The following ATG16L2 variants were observed in gnomAD, a reference collection of about 807,000 sequenced individuals.
The protein encoded by ATG16L2 is autophagy related 16 like 2.
Under a neutral mutation model 84.7 loss-of-function variants are expected in ATG16L2, and 77 were observed. The observed-to-expected ratio is 0.91, with a 90% CI of 0.76 to 1.10. ATG16L2 has a LOEUF of 1.10. Among genes scored for constraint, ATG16L2 ranks in the 50% least tolerant of loss-of-function variants. The pLI, the probability that ATG16L2 is intolerant of heterozygous loss-of-function variation, is 0.00. For synonymous variants in ATG16L2, 361 were observed against 342.8 expected, an observed-to-expected ratio of 1.05 and a Z score of -0.59; for missense variants, 782 against 817.6, an observed-to-expected ratio of 0.96 and a Z score of 0.53.
chr11:72,826,420 G>A, intron 11 of ATG16L2, 98 bp from the exon 12 acceptor site: 1 of 1,523,678 alleles, frequency 6.6e-7, no homozygotes, highest in East Asian at 2.3e-5. Flanking sequence ...GGTGACCTGG[G>A]CCGTGGGAAA....
intron 9 of ATG16L2, 49 bp from the exon 10 acceptor site, chr11:72,825,253 G>C (rs1565268214): frequency 2.0e-6 from 3 of 1,481,994 alleles, no homozygotes; most frequent in Admixed American, 3.4e-5. Flanking sequence ...AGCACTCACA[G>C]AGACATGCGC....
chr11:72,828,594 T>C, intron 15 of ATG16L2, 86 bp downstream of exon 15: 1 of 1,595,522 alleles, frequency 6.3e-7, no homozygotes, highest in Non-Finnish European at 8.6e-7. Context: ...CTTGGAGCCC[T>C]CCCTGGAGGC....
At chr11:72,842,867 T>C in exon 6 of ATG16L2, 2 of 1,585,042 alleles carry the variant, frequency 1.3e-6, no homozygotes, top group Non-Finnish European at 1.7e-6. Flanking sequence ...AAAACAAATC[T>C]GGTAAGATAA....
exon 6 of ATG16L2, chr11:72,843,153 C>T (rs1163971431): frequency 1.2e-6 from 2 of 1,613,936 alleles, no homozygotes; most frequent in South Asian, 2.2e-5. Context: ...GTCTTTACCA[C>T]TGGCATCTCC....
At chr11:72,825,027 A>C (rs1029389650) in intron 9 of ATG16L2, among the ~76,000 whole-genome samples, 185 bp downstream of exon 9, 13 of 152,106 alleles carry the variant, frequency 8.5e-5, no homozygotes, top group African/African-American at 3.1e-4. Context: ...ATGTGGGCAT[A>C]AGCCGGGGAG....
chr11:72,820,757 C>T (rs1011479414), intron 3 of ATG16L2, among the ~76,000 whole-genome samples: 3 of 152,078 alleles, frequency 2.0e-5, no homozygotes, highest in African/African-American at 7.2e-5. Context: ...GGGCCAGAGG[C>T]GCCTCTGGCC....
rs969901211 is a variant in ATG16L2 at position 72,821,845 on chromosome 11, A to G, written c.392+104A>G. ...ATGGCGCGGGCCGAGATCTTTCCCTACGTCCCCCCGACCCCATCGGTTGGT... is the reference window on the plus strand; with the variant it reads ...ATGGCGCGGGCCGAGATCTTTCCCTGCGTCCCCCCGACCCCATCGGTTGGT... On this transcript the variant is annotated intron_variant, in intron 4 of 17. Coordinates refer to ENST00000321297, the MANE Select transcript of ATG16L2 (RefSeq NM_033388.2). 2.5e-4 allele frequency: 369 copies of G among 1,458,662 alleles called. 1 individual carries two copies. The highest frequency in any genetic ancestry group is 3.1e-4 in the Non-Finnish European group (346 of 1,099,684). The allele number at this position is 1,458,662 out of a possible 1,614,324, so 90.4% of individuals were successfully genotyped here.
Position 72,822,690 on chromosome 11 carries a change from C to T in ATG16L2, c.710+147C>T, listed in dbSNP as rs548991114. On this transcript the variant is annotated intron_variant, in intron 6 of 17. Coordinates refer to ENST00000321297, the MANE Select transcript of ATG16L2 (RefSeq NM_033388.2). This position sits in a 1 kb window ranked among gnomAD's most constrained non-coding sequence, Gnocchi z 4.2. ...GAGCCCACGAGACACCTGCAGAGGA[C>T]CGTGTGGTCGTAGGAGCCTGCATGC... The T allele has an allele frequency of 1.0e-5, 12 of 1,166,524 alleles. No individual in the cohort carries two copies. In the East Asian group the frequency reaches 2.8e-4, roughly 28 times the overall value. 72.3% of individuals were successfully genotyped at this position (1,166,524 alleles called of 1,614,324 possible). A position where few individuals can be genotyped will look rare whatever the true frequency, so the allele number is the denominator to read the frequency against.
intron 7 of ATG16L2, chr11:72,823,851 G>C: frequency 1.4e-6 from 1 of 727,856 alleles, no homozygotes; most frequent in Non-Finnish European, 2.5e-6. Context: ...GACCTTGGGA[G>C]ACTTTCATTA....
chr11:72,824,492 G>A (rs917437529), intron 8 of ATG16L2: 4 of 571,160 alleles, frequency 7.0e-6, no homozygotes, highest in African/African-American at 5.6e-5. Flanking sequence ...CGGCCCTGAG[G>A]TTTCTTTGCA....
intron 5 of ATG16L2, chr11:72,836,870 G>A (rs945016349): frequency 1.3e-5 from 2 of 152,504 alleles, no homozygotes; most frequent in African/African-American, 4.8e-5. Context: ...CTGTGGTGCT[G>A]GATTCCATAT....
exon 6 of ATG16L2, chr11:72,843,598 A>G (rs1861033268): frequency 1.9e-6 from 2 of 1,063,438 alleles, no homozygotes; most frequent in Non-Finnish European, 2.9e-6. Context: ...TGAGCTGATC[A>G]TGACAAAAAC....
intron 5 of ATG16L2, chr11:72,838,965 A>G: frequency 8.8e-7 from 1 of 1,137,320 alleles, no homozygotes; most frequent in Non-Finnish European, 1.3e-6. Context: ...CTGTCCAAGG[A>G]CATGGGCACC....
intron 10 of ATG16L2, 85 bp from the exon 11 acceptor site, chr11:72,826,088 A>C: frequency 1.8e-6 from 2 of 1,134,294 alleles, no homozygotes; most frequent in Non-Finnish European, 2.6e-6. Flanking sequence ...TGGGGCGGGA[A>C]CTGATCTTCC....
chr11:72,819,540 T>C (rs1215125198), intron 3 of ATG16L2, among the ~76,000 whole-genome samples: 2 of 152,206 alleles, frequency 1.3e-5, no homozygotes, highest in Non-Finnish European at 2.9e-5. Flanking sequence ...GTTAGTGCGC[T>C]GTAGATCTTC....
At chr11:72,826,053 T>C (rs1325662591) in intron 10 of ATG16L2, 120 bp from the exon 11 acceptor site, 5 of 806,310 alleles carry the variant, frequency 6.2e-6, no homozygotes, top group Non-Finnish European at 9.9e-6. Context: ...GATTCTGTCT[T>C]CTAACCTGGG....
chr11:72,840,771 T>A, intron 5 of ATG16L2: 1 of 783,164 alleles, frequency 1.3e-6, no homozygotes, highest in Admixed American at 2.2e-5. Flanking sequence ...TTCATCCTTG[T>A]TTGGCATAGT....
At chr11:72,823,495 G>A in intron 7 of ATG16L2, 1 of 366,394 alleles carries the variant, frequency 2.7e-6, no homozygotes, top group Non-Finnish European at 5.4e-6. Flanking sequence ...GCCTGTCATT[G>A]AGGCTGCCCG....
intron 5 of ATG16L2, chr11:72,842,605 C>G (rs768396524): frequency 6.2e-7 from 1 of 1,613,856 alleles, no homozygotes; most frequent in Non-Finnish European, 8.5e-7. Flanking sequence ...ATTCAACTGT[C>G]TCCCCTCTCA....
Sources: gnomAD v4.1 joint callset for allele counts (sites outside exome capture counted in the v4.1 genomes callset) on GRCh38, gnomAD v4.1.1 for gene constraint, Gnocchi (gnomAD v3.1) non-coding constraint, MANE v1.5 for transcripts, NCBI Gene and HGNC (gene_info 2026-07-23, HGNC 2026-07-21) for gene names.